PDE4B: variants seen among roughly 807,000 people sequenced by gnomAD.
PDE4B encodes 3',5'-cyclic-AMP phosphodiesterase 4B.
A neutral mutation model predicts 82.2 loss-of-function variants in PDE4B; 20 were observed. That is an observed-to-expected ratio of 0.24 (90% confidence interval 0.17 to 0.35). The LOEUF (loss-of-function observed/expected upper bound fraction) is 0.35. Ranked by LOEUF, PDE4B falls within the 10% of genes least tolerant of loss-of-function variation. PDE4B has a pLI of 1.00. For synonymous variants in PDE4B, 320 were observed against 318.9 expected (o/e 1.00, Z -0.04); for missense variants, 655 against 907.2 (o/e 0.72, Z 3.57).
intron 1 of PDE4B, among the ~76,000 whole-genome samples, chr1:65,870,048 C>T (rs1646556141): frequency 6.6e-6 from 1 of 152,050 alleles, no homozygotes; most frequent in Non-Finnish European, 1.5e-5. Flanking sequence ...TAATTTTAGA[C>T]TAGATATTTT....
chr1:66,304,044 TCA>T (rs1658094581), intron 7 of PDE4B, among the ~76,000 whole-genome samples: 1 of 152,136 alleles, frequency 6.6e-6, no homozygotes, highest in Admixed American at 6.6e-5. Flanking sequence ...GACCTAGGAC[TCA>T]CAATTCAGGA....
intron 3 of PDE4B, among the ~76,000 whole-genome samples, chr1:66,144,812 T>C (rs921484705): frequency 6.6e-6 from 1 of 152,196 alleles, no homozygotes; most frequent in African/African-American, 2.4e-5. Context: ...AGCACAAAAT[T>C]AGTGTCTTTC....
At chr1:65,887,412 C>CTTTTTTTTTTTTTT (rs1285765740) in intron 1 of PDE4B, among the ~76,000 whole-genome samples, 24 of 6,918 alleles carry the variant, frequency 3.5e-3, no homozygotes, top group Non-Finnish European at 4.3e-3. Flanking sequence ...TCTTTTTCTT[C>CTTTTTTTTTTTTTT]TGTTTTTTTT....
At chr1:66,044,871 T>C (rs1654602640) in intron 3 of PDE4B, among the ~76,000 whole-genome samples, 1 of 151,792 alleles carries the variant, frequency 6.6e-6, no homozygotes. Context: ...CATCAGCTAC[T>C]GAGTTACTCT....
chr1:66,310,717 G>T (rs1262457912), intron 7 of PDE4B, among the ~76,000 whole-genome samples: 2 of 152,046 alleles, frequency 1.3e-5, no homozygotes, highest in African/African-American at 4.8e-5. Context: ...ACAGCTACGT[G>T]CTAATGCTTA....
chr1:66,336,514 C>T (rs958150329), intron 8 of PDE4B, among the ~76,000 whole-genome samples: 2 of 152,158 alleles, frequency 1.3e-5, no homozygotes, highest in African/African-American at 4.8e-5. Context: ...CTTCACTTCC[C>T]CCACAAACGC....
intron 3 of PDE4B, among the ~76,000 whole-genome samples, chr1:66,080,686 TCTTATCG>T (rs1467395360): frequency 6.6e-6 from 1 of 152,168 alleles, no homozygotes; most frequent in Non-Finnish European, 1.5e-5. Context: ...ACTCTGGCCT[TCTTATCG>T]CTTATTAGAG....
chr1:66,268,804 A>G (rs1161360489), intron 7 of PDE4B, among the ~76,000 whole-genome samples: 2 of 151,912 alleles, frequency 1.3e-5, no homozygotes, highest in African/African-American at 4.8e-5. Flanking sequence ...CTTTGCAAAG[A>G]CATCTTATTT....
At chr1:66,234,328 G>C (rs750860396) in intron 3 of PDE4B, among the ~76,000 whole-genome samples, 2 of 152,052 alleles carry the variant, frequency 1.3e-5, no homozygotes, top group African/African-American at 4.8e-5. Flanking sequence ...TTGCTCTGTC[G>C]CCAAGACTGG....
intron 3 of PDE4B, among the ~76,000 whole-genome samples, chr1:65,972,429 G>A (rs1001528971): frequency 1.6e-4 from 25 of 152,080 alleles, no homozygotes; most frequent in Non-Finnish European, 2.9e-5. Flanking sequence ...AGCTTTTTGA[G>A]TTTTAGAATT....
intron 3 of PDE4B, among the ~76,000 whole-genome samples, chr1:66,097,531 A>G (rs988761111): frequency 6.6e-6 from 1 of 151,966 alleles, no homozygotes; most frequent in African/African-American, 2.4e-5. Context: ...TACATCTTCA[A>G]ATTTACTTTT....
chr1:65,934,534 ATC>A (rs1648016255), intron 3 of PDE4B, among the ~76,000 whole-genome samples: 1 of 152,226 alleles, frequency 6.6e-6, no homozygotes, highest in Non-Finnish European at 1.5e-5. Context: ...ATTTTTCTCT[ATC>A]AATGCTTACT....
chr1:66,120,455 C>T (rs1484930714), intron 3 of PDE4B, among the ~76,000 whole-genome samples: 3 of 152,100 alleles, frequency 2.0e-5, no homozygotes, highest in Non-Finnish European at 4.4e-5. Context: ...ATCTCTGACT[C>T]CTTCTTTCCA....
chr1:66,124,106 A>C (rs148997816), intron 3 of PDE4B, among the ~76,000 whole-genome samples: 260 of 152,284 alleles, frequency 1.7e-3, no homozygotes, highest in African/African-American at 5.2e-3. Context: ...ATTTAATTTT[A>C]TTTCTCAGGT....
In PDE4B at chr1:66,336,294, C is replaced by A. The variant is rs148912626; in HGVS notation, c.747+3674C>A. On this transcript the variant is annotated intron_variant, in intron 8 of 16. Transcript: ENST00000341517. The stretch of plus-strand genomic sequence containing the variant: ...CAACAGTGGCTGAGGAAGGACCAAC[C>A]CAGAACAATCCCAGGGAGGCGTAAT... Among the ~76,000 whole-genome samples the A allele has an allele frequency of 2.3e-3, 351 of 152,216 alleles. 1 individual carries two copies. Among genetic ancestry groups the A allele is most frequent in the Non-Finnish European group, 4.3e-3 (294 of 68,004 alleles).
chr1:66,050,457 C>CAT (rs1654960269), intron 3 of PDE4B: 1 of 151,966 alleles, frequency 6.6e-6, no homozygotes, highest in African/African-American at 2.4e-5. Flanking sequence ...TTGATTTCTC[C>CAT]ATATATATTT....
chr1:65,903,799 A>G (rs1646998143), intron 1 of PDE4B, among the ~76,000 whole-genome samples: 1 of 152,110 alleles, frequency 6.6e-6, no homozygotes, highest in African/African-American at 2.4e-5. Context: ...GTCCACATAG[A>G]CCTGAATCCC....
At position 66,079,046 on chromosome 1, in the gene PDE4B, G is replaced by T. The variant is rs2455018; in HGVS notation, c.281+160211G>T. On this transcript the variant is annotated intron_variant, in intron 3 of 16. Transcript: ENST00000341517. ...AAATGGGATGGATTTTGCCACCAGAGAGCCTGCACATCTTTCTCTTATAGT... is the reference window on the plus strand; with the variant it reads ...AAATGGGATGGATTTTGCCACCAGATAGCCTGCACATCTTTCTCTTATAGT... Among the ~76,000 whole-genome samples the T allele has an allele frequency of 6.6e-5, 10 of 152,188 alleles. No homozygotes were observed. In the East Asian group the frequency reaches 1.2e-3, roughly 18 times the overall value.
chr1:65,886,510 C>T (rs1646778547), intron 1 of PDE4B, among the ~76,000 whole-genome samples: 1 of 152,118 alleles, frequency 6.6e-6, no homozygotes, highest in Admixed American at 6.6e-5. Flanking sequence ...GTACTCATAA[C>T]CAACCTCTTT....
Sources: gnomAD v4.1 joint callset for allele counts (sites outside exome capture counted in the v4.1 genomes callset) on GRCh38, gnomAD v4.1.1 for gene constraint, MANE v1.5 for transcripts, NCBI Gene and HGNC (gene_info 2026-07-23, HGNC 2026-07-21) for gene names.